Variants in LUC7L2 observed in about 807,000 individuals in gnomAD.
LUC7L2 encodes LUC7 like 2, pre-mRNA splicing factor.
In LUC7L2, 25 loss-of-function variants were observed where a neutral mutation model predicts 52.8. That is an observed-to-expected ratio of 0.47 (90% CI 0.34 to 0.66). LUC7L2 has a LOEUF of 0.66. Ranked by LOEUF, LUC7L2 falls within the 30% of genes least tolerant of loss-of-function variation. The pLI is 0.01. For synonymous variants in LUC7L2, 144 were observed against 160.9 expected, an observed-to-expected ratio of 0.89 and a Z score of 0.80; for missense variants, 328 against 497.8, an observed-to-expected ratio of 0.66 and a Z score of 3.25.
chr7:139,402,204 T>G lies in LUC7L2; in HGVS notation c.323T>G (p.Leu108Ter). ...DRRTEVAKKR[L>*]AETQEEISAE... Reference sequence around the variant, plus strand: ...AGAACAGAAGTGGCCAAGAAAAGATTAGCAGAAACTCAAGAAGAGATTAGT... The same window carrying G: ...AGAACAGAAGTGGCCAAGAAAAGATGAGCAGAAACTCAAGAAGAGATTAGT... Residue 108 changes from leucine to a stop codon, truncating the protein, a stop_gained, in exon 4 of 10, where the codon TTA becomes TGA. Transcript: ENST00000354926. LOFTEE classifies it high-confidence loss of function. 1.2e-6 allele frequency: 2 copies of G among 1,610,740 alleles called. No individual in the cohort carries two copies. Among genetic ancestry groups the G allele is most frequent in the Non-Finnish European group, 1.7e-6 (2 of 1,178,794 alleles).
chr7:139,363,614 T>G (rs1303655720), intron 1 of LUC7L2, among the ~76,000 whole-genome samples: 1 of 152,254 alleles, frequency 6.6e-6, no homozygotes, highest in Non-Finnish European at 1.5e-5. Flanking sequence ...GTTTATTTTA[T>G]CTTGTTTATG....
At chr7:139,377,033 G>T (rs976444386) in intron 2 of LUC7L2, among the ~76,000 whole-genome samples, 34 of 152,154 alleles carry the variant, frequency 2.2e-4, no homozygotes, top group African/African-American at 8.0e-4. Context: ...AAACACCTTT[G>T]ACTTTTTCCA....
At chr7:139,407,036 G>C in intron 5 of LUC7L2, 138 bp from the exon 6 acceptor site, 9 of 253,304 alleles carry the variant, frequency 3.6e-5, no homozygotes, top group Non-Finnish European at 4.7e-5. Flanking sequence ...CTGGAGTCTC[G>C]CCCCAGTGAG....
chr7:139,378,824 G>C (rs1800844835), intron 2 of LUC7L2, among the ~76,000 whole-genome samples: 1 of 152,172 alleles, frequency 6.6e-6, no homozygotes, highest in Admixed American at 6.5e-5. Context: ...CACTTTCGGA[G>C]TCTCACAACG....
intron 1 of LUC7L2, among the ~76,000 whole-genome samples, chr7:139,341,833 GAATGGAGGATTC>G (rs1380226503): frequency 1.3e-5 from 2 of 152,234 alleles, no homozygotes; most frequent in Non-Finnish European, 2.9e-5. Flanking sequence ...CAGGAAAGTG[GAATGGAGGATTC>G]AATGCTGGGG....
chr7:139,342,803 AC>A (rs1413726548), intron 1 of LUC7L2, among the ~76,000 whole-genome samples: 2 of 152,124 alleles, frequency 1.3e-5, no homozygotes, highest in African/African-American at 4.8e-5. Flanking sequence ...TTATAGTTGT[AC>A]CTTATGGGGA....
At chr7:139,402,005 C>G (rs918116392) in intron 3 of LUC7L2, 132 bp from the exon 4 acceptor site, 1 of 923,446 alleles carries the variant, frequency 1.1e-6, no homozygotes, top group African/African-American at 1.7e-5. Flanking sequence ...TCCTAAAGTG[C>G]TCAATTACTG....
chr7:139,374,907 A>G, intron 1 of LUC7L2: 1 of 993,292 alleles, frequency 1.0e-6, no homozygotes, highest in Non-Finnish European at 1.2e-6. Context: ...AAGTGATTGA[A>G]TCACATCCTA....
intron 1 of LUC7L2, chr7:139,340,677 G>C: frequency 2.5e-6 from 1 of 394,670 alleles, no homozygotes; most frequent in East Asian, 3.6e-5. Context: ...TGAATATGTT[G>C]TGTGAGCGCG....
upstream of LUC7L2, among the ~76,000 whole-genome samples, chr7:139,356,085 T>C (rs547111675): frequency 1.9e-3 from 288 of 152,206 alleles, 1 homozygote; most frequent in African/African-American, 6.5e-3. Flanking sequence ...GGTGGGCAGA[T>C]TGCTTGAGCC....
At chr7:139,417,306 G>A (rs1287496191) in intron 8 of LUC7L2, 8 of 457,138 alleles carry the variant, frequency 1.8e-5, no homozygotes, top group Non-Finnish European at 3.1e-5. Flanking sequence ...CTCCCAAAGT[G>A]TTGGGATTAC....
intron 1 of LUC7L2, among the ~76,000 whole-genome samples, chr7:139,348,184 AC>A (rs1799330933): frequency 6.7e-6 from 1 of 149,476 alleles, no homozygotes; most frequent in East Asian, 1.9e-4. Flanking sequence ...AATATTATAT[AC>A]AATAATATAT....
chr7:139,417,652 C>CAGCCGT lies in LUC7L2; in HGVS notation c.930_935dup (p.Arg314_Ser315dup), dbSNP rs1400632159. On this transcript the variant is annotated inframe_insertion, in exon 9 of 10. Coordinates refer to ENST00000354926, the MANE Select transcript of LUC7L2 (RefSeq NM_016019.5). ...GCCATCGCCACAGGTCCCGCTCCAG[C>CAGCCGT]AGCCGTAGCCGCAGCCGTAGCCACC... 2 of 1,614,034 alleles carry CAGCCGT rather than the reference C, an allele frequency of 1.2e-6. No homozygotes were observed. Among genetic ancestry groups the CAGCCGT allele is most frequent in the East Asian group, 2.2e-5 (1 of 44,876 alleles).
At position 139,360,145 on chromosome 7, in the gene LUC7L2, G is replaced by T. The variant is rs3923186; in HGVS notation, c.-117G>T. 0.28 allele frequency: 186,922 copies of T among 676,998 alleles called. 32,293 individuals carry two copies. Among genetic ancestry groups the T allele is most frequent in the African/African-American group, 0.74 (37,096 of 49,866 alleles). The allele number at this position is 676,998 out of a possible 1,614,324, so 41.9% of individuals were successfully genotyped here. A position where few individuals can be genotyped will look rare whatever the true frequency, so the allele number is the denominator to read the frequency against. ...CGGCTCCCTTTCCGCACGCCTCGAG[G>T]CGGCGGCGGCCACCGAGACAGCAGC... is the stretch of plus-strand genomic sequence containing the variant. On this transcript the variant is annotated 5_prime_UTR_variant, in exon 1 of 10. Coordinates refer to ENST00000354926, the MANE Select transcript of LUC7L2 (RefSeq NM_016019.5).
intron 1 of LUC7L2, among the ~76,000 whole-genome samples, chr7:139,369,249 CAAGT>C (rs2131197789): frequency 6.6e-6 from 1 of 152,276 alleles, no homozygotes; most frequent in African/African-American, 2.4e-5. Context: ...TACAGCTCTG[CAAGT>C]AAGTATCAAA....
intron 3 of LUC7L2, 106 bp from the exon 4 acceptor site, chr7:139,402,031 C>A: frequency 8.2e-7 from 1 of 1,222,012 alleles, no homozygotes; most frequent in Non-Finnish European, 1.1e-6. Context: ...AGCCACCGTG[C>A]CCCACCATGG....
chr7:139,371,717 T>G (rs796459309), intron 1 of LUC7L2, among the ~76,000 whole-genome samples: 2 of 152,146 alleles, frequency 1.3e-5, no homozygotes, highest in African/African-American at 4.8e-5. Flanking sequence ...GGAATGACAG[T>G]GGGCTTATTT....
chr7:139,409,405 G>A (rs1795259008), intron 6 of LUC7L2, among the ~76,000 whole-genome samples, 158 bp from the exon 7 acceptor site: 1 of 152,046 alleles, frequency 6.6e-6, no homozygotes, highest in South Asian at 2.1e-4. Context: ...AAGACTTGTA[G>A]GCCTAATGAT....
chr7:139,394,639 G>A (rs6467846), intron 2 of LUC7L2, among the ~76,000 whole-genome samples: 1 of 151,952 alleles, frequency 6.6e-6, no homozygotes, highest in East Asian at 1.9e-4. Flanking sequence ...GTTGATCAGG[G>A]AACTGATGAA....
Sources: gnomAD v4.1 joint callset for allele counts (sites outside exome capture counted in the v4.1 genomes callset) on GRCh38, gnomAD v4.1.1 for gene constraint, MANE v1.5 for transcripts, NCBI Gene and HGNC (gene_info 2026-07-23, HGNC 2026-07-21) for gene names.